The following DGAT2L6 variants were observed in gnomAD, a reference collection of about 807,000 sequenced individuals.
DGAT2L6 encodes diacylglycerol O-acyltransferase 2 like 6.
Under a neutral mutation model 25.5 loss-of-function variants are expected in DGAT2L6, and 22 were observed. The observed-to-expected ratio is 0.86, with a 90% CI of 0.62 to 1.23. DGAT2L6 has a LOEUF of 1.23. DGAT2L6 is among the 50% of genes most tolerant of loss of function. The pLI, the probability that DGAT2L6 is intolerant of heterozygous loss-of-function variation, is 0.00. For missense variants in DGAT2L6, 287 were observed against 253.2 expected, an observed-to-expected ratio of 1.13 and a Z score of -0.91; for synonymous variants, 100 against 94.7, an observed-to-expected ratio of 1.06 and a Z score of -0.32.
intron 5 of DGAT2L6, among the ~76,000 whole-genome samples, chrX:70,202,605 C>A (rs1055256130): frequency 9.0e-6 from 1 of 111,727 alleles, no homozygotes; most frequent in Non-Finnish European, 1.9e-5. Flanking sequence ...GAAGACAGAC[C>A]CATGCACATA....
chrX:70,199,681 T>C, intron 2 of DGAT2L6, 131 bp from the exon 3 acceptor site: 1 of 575,456 alleles, frequency 1.7e-6, no homozygotes, highest in Middle Eastern at 4.9e-4. Flanking sequence ...GGGACAGTAC[T>C]TACAGTTCTG....
chrX:70,192,036 C>T (rs373610153), intron 1 of DGAT2L6, among the ~76,000 whole-genome samples: 142 of 111,451 alleles, frequency 1.3e-3, no homozygotes, highest in Non-Finnish European at 2.4e-3. Context: ...TGCTTGAGGC[C>T]AGTTTGAGAC....
intron 1 of DGAT2L6, among the ~76,000 whole-genome samples, chrX:70,188,136 A>G (rs1166609184): frequency 8.9e-6 from 1 of 112,191 alleles, no homozygotes; most frequent in Non-Finnish European, 1.9e-5. Flanking sequence ...AGATGATTTG[A>G]AGAAAGGACC....
At chrX:70,193,680 A>T (rs1371633008) in intron 1 of DGAT2L6, among the ~76,000 whole-genome samples, 1 of 112,194 alleles carries the variant, frequency 8.9e-6, no homozygotes. Context: ...CAGAAAAAGC[A>T]TTTGACAAAA....
chrX:70,200,270 G>A lies in DGAT2L6; in HGVS notation c.283G>A (p.Asp95Asn), dbSNP rs773081664. Residue 95 changes from aspartate (D) to asparagine (N), a missense_variant, in exon 4 of 7, where the codon GAT becomes AAT. Transcript: ENST00000333026. ...YFPVKLVKTHDLSPKHNYIIA... is the reference protein window; with the variant it reads ...YFPVKLVKTHNLSPKHNYIIA... ...CCTCTAACAGCTGGTGAAGACTCATGATCTTTCTCCCAAACACAACTACAT... is the reference window on the plus strand; with the variant it reads ...CCTCTAACAGCTGGTGAAGACTCATAATCTTTCTCCCAAACACAACTACAT... 75 of 1,209,292 alleles carry A rather than the reference G, an allele frequency of 6.2e-5. 1 individual carries two copies. The Admixed American group carries it at 1.2e-3, about 19-fold the overall frequency.
At chrX:70,177,710 CAA>C in intron 1 of DGAT2L6, 43 bp downstream of exon 1, 2 of 1,091,985 alleles carry the variant, frequency 1.8e-6, no homozygotes, top group Admixed American at 2.2e-5. Context: ...GGGAACAAAC[CAA>C]AAGAGTGGCC....
rs1191320450 is a variant in DGAT2L6, at chrX:70,204,453, G to A, written c.796G>A (p.Gly266Ser). The A allele has an allele frequency of 8.3e-7, 1 of 1,209,701 alleles. No individual in the cohort carries two copies. Among genetic ancestry groups the A allele is most frequent in the Admixed American group, 2.2e-5 (1 of 45,730 alleles). ...GGGACTAAATTTCTGTACCTTCCAT[G>A]GCCGGGGCTTCACTCGCGGATCCTG... ...ILGLNFCTFH[G>S]RGFTRGSWGF... The change falls in exon 6 of 7, where the codon GGC (glycine) becomes AGC (serine). Residue 266 changes from glycine to serine, a missense_variant. Coordinates refer to ENST00000333026, the MANE Select transcript of DGAT2L6 (RefSeq NM_198512.3).
At chrX:70,192,458 T>C (rs980738520) in intron 1 of DGAT2L6, among the ~76,000 whole-genome samples, 1 of 112,345 alleles carries the variant, frequency 8.9e-6, no homozygotes, top group Non-Finnish European at 1.9e-5. Flanking sequence ...AATACTGCAA[T>C]GGTAGTGTGT....
chrX:70,197,791 C>T (rs1211017281), intron 1 of DGAT2L6, among the ~76,000 whole-genome samples: 1 of 112,031 alleles, frequency 8.9e-6, no homozygotes, highest in East Asian at 2.8e-4. Flanking sequence ...CCTTCTGAAG[C>T]TTAACTGGCA....
intron 1 of DGAT2L6, among the ~76,000 whole-genome samples, chrX:70,178,592 G>A (rs939556587): frequency 1.8e-5 from 2 of 110,843 alleles, no homozygotes; most frequent in African/African-American, 6.6e-5. Context: ...TGGATGAGGA[G>A]AAATAATGTC....
At chrX:70,196,267 C>T (rs1225874441) in intron 1 of DGAT2L6, among the ~76,000 whole-genome samples, 5 of 109,099 alleles carry the variant, frequency 4.6e-5, no homozygotes, top group African/African-American at 1.7e-4. Context: ...CACTTGAGAC[C>T]TGGAGTTTGA....
At chrX:70,202,904 T>C (rs2085415789) in intron 5 of DGAT2L6, among the ~76,000 whole-genome samples, 1 of 111,975 alleles carries the variant, frequency 8.9e-6, no homozygotes, top group Non-Finnish European at 1.9e-5. Context: ...TAATCTGGTC[T>C]ATAGCTGCCT....
chrX:70,196,967 A>T (rs929606578), intron 1 of DGAT2L6, among the ~76,000 whole-genome samples: 1 of 111,733 alleles, frequency 8.9e-6, no homozygotes, highest in African/African-American at 3.3e-5. Context: ...CGCATATATT[A>T]GTTTTTTTTT....
chrX:70,201,792 A>G, intron 4 of DGAT2L6, 98 bp from the exon 5 acceptor site: 1 of 961,353 alleles, frequency 1.0e-6, no homozygotes, highest in Non-Finnish European at 1.4e-6. Context: ...ATAGTCAGAA[A>G]ACAGAAGAAC....
chrX:70,200,125 T>A (rs2085404862), intron 3 of DGAT2L6, 130 bp from the exon 4 acceptor site: 1 of 702,763 alleles, frequency 1.4e-6, no homozygotes, highest in Non-Finnish European at 2.1e-6. Flanking sequence ...CCTATGACAA[T>A]GATGACAACC....
chrX:70,205,244 A>G lies in DGAT2L6; in HGVS notation c.*138A>G. On this transcript the variant is annotated 3_prime_UTR_variant, in exon 7 of 7. Transcript: ENST00000333026. ...CCATCCAAGCCAGAAATTATTTAAT[A>G]AATCAGAGTTCTAGCAATAGAGTCC... The G allele has an allele frequency of 1.3e-6, 1 of 763,710 alleles. No individual in the cohort carries two copies. The highest frequency in any genetic ancestry group is 1.7e-6 in the Non-Finnish European group (1 of 573,508). The allele number at this position is 763,710 out of a possible 1,213,427, so 62.9% of individuals were successfully genotyped here.
chrX:70,186,360 A>G (rs1461040364), intron 1 of DGAT2L6, among the ~76,000 whole-genome samples: 2 of 112,253 alleles, frequency 1.8e-5, no homozygotes, highest in Non-Finnish European at 3.8e-5. Flanking sequence ...GGAGTCCTCA[A>G]TTCTGACCGG....
intron 1 of DGAT2L6, 63 bp downstream of exon 1, chrX:70,177,730 A>G (rs188358480): frequency 8.7e-5 from 86 of 991,079 alleles, no homozygotes; most frequent in Admixed American, 1.4e-4. Flanking sequence ...GCCAATCTCC[A>G]GATGAGGAGG....
chrX:70,205,148 G>C lies in DGAT2L6; in HGVS notation c.*42G>C. ...CATTGATCAACCCCCAAAGCCATGA[G>C]GGATCCAAGTAGAGCCACAGAAAAA... On this transcript the variant is annotated 3_prime_UTR_variant, in exon 7 of 7. Coordinates refer to ENST00000333026, the MANE Select transcript of DGAT2L6 (RefSeq NM_198512.3). The C allele has an allele frequency of 8.8e-7, 1 of 1,134,534 alleles. No homozygotes were observed. The highest frequency in any genetic ancestry group is 1.2e-6 in the Non-Finnish European group (1 of 857,185). The allele number at this position is 1,134,534 out of a possible 1,213,427, so 93.5% of individuals were successfully genotyped here. A position where few individuals can be genotyped will look rare whatever the true frequency, so the allele number is the denominator to read the frequency against.
Sources: allele counts gnomAD v4.1 joint callset (sites outside exome capture counted in the v4.1 genomes callset), GRCh38; gene constraint gnomAD v4.1.1; transcripts MANE v1.5; gene names NCBI Gene and HGNC (gene_info 2026-07-23, HGNC 2026-07-21).